The following PRKCE variants were observed in gnomAD, a reference collection of about 807,000 sequenced individuals.
The protein encoded by PRKCE is protein kinase C epsilon type.
A neutral mutation model predicts 85.4 loss-of-function variants in PRKCE; 16 were observed. The ratio of observed to expected loss-of-function variants is 0.19; its 90% CI spans 0.13 to 0.28. The LOEUF is 0.28. PRKCE is among the 10% of genes least tolerant of loss of function. The pLI is 1.00. For missense variants in PRKCE, 573 were observed against 975.2 expected (o/e 0.59, Z 5.49); for synonymous variants, 388 against 371.5 (o/e 1.04, Z -0.51).
chr2:46,075,380 G>A (rs539995828), intron 10 of PRKCE, among the ~76,000 whole-genome samples: 1 of 151,928 alleles, frequency 6.6e-6, no homozygotes, highest in African/African-American at 2.4e-5. Context: ...CCTAAACTTC[G>A]GCCGCAAACA....
At chr2:46,148,388 G>A (rs750116793) in intron 12 of PRKCE, among the ~76,000 whole-genome samples, 1 of 152,230 alleles carries the variant, frequency 6.6e-6, no homozygotes, top group Non-Finnish European at 1.5e-5. Context: ...CACCCAAAAT[G>A]AGAAGGCTGT....
At chr2:45,837,047 C>T (rs564395063) in intron 1 of PRKCE, among the ~76,000 whole-genome samples, 2 of 152,328 alleles carry the variant, frequency 1.3e-5, no homozygotes, top group Admixed American at 1.3e-4. Flanking sequence ...TATTAGACCT[C>T]CCTTCCCTTG....
chr2:45,907,419 T>TGCAC lies in PRKCE; in HGVS notation c.412+64356_412+64357insGCAC, dbSNP rs1697060294. Among the ~76,000 whole-genome samples, 1 of 152,170 alleles carries TGCAC rather than the reference T, an allele frequency of 6.6e-6. No homozygotes were observed. Among genetic ancestry groups the TGCAC allele is most frequent in the African/African-American group, 2.4e-5 (1 of 41,430 alleles). On this transcript the variant is annotated intron_variant, in intron 2 of 14. Transcript: ENST00000306156. The surrounding 1 kb of genome is among the most constrained non-coding windows in gnomAD (Gnocchi z 4.5). ...CGAGTCCTGCATTGCATTTGCTGAA[T>TGCAC]AGCTGTTGGGGTAACACTCCTGTGA...
chr2:46,079,396 T>G (rs910499399), intron 10 of PRKCE, among the ~76,000 whole-genome samples: 5 of 152,192 alleles, frequency 3.3e-5, no homozygotes, highest in African/African-American at 1.2e-4. Flanking sequence ...GTCTTCAGTT[T>G]CTAGCTCTTG....
intron 1 of PRKCE, among the ~76,000 whole-genome samples, chr2:45,763,974 C>T (rs745543619): frequency 2.6e-5 from 4 of 152,266 alleles, no homozygotes; most frequent in East Asian, 1.9e-4. Context: ...AGTCCTCTGC[C>T]GTCTTGCTTA....
At chr2:46,174,718 T>C (rs894623958) in intron 14 of PRKCE, among the ~76,000 whole-genome samples, 1 of 152,178 alleles carries the variant, frequency 6.6e-6, no homozygotes, top group Non-Finnish European at 1.5e-5. Flanking sequence ...AGATAAGATC[T>C]GGCACTGTCA....
At chr2:45,949,402 G>GTTTTTTTTTTTTTTTTTTTTTTGTTTT (rs35033431) in intron 2 of PRKCE, among the ~76,000 whole-genome samples, 2 of 118,744 alleles carry the variant, frequency 1.7e-5, no homozygotes, top group Non-Finnish European at 3.4e-5. Context: ...TATTTTGCTT[G>GTTTTTTTTTTTTTTTTTTTTTTGTTTT]TTTTTTTTTT....
chr2:45,842,943 C>T (rs1691476880), intron 1 of PRKCE, 57 bp from the exon 2 acceptor site: 2 of 1,509,778 alleles, frequency 1.3e-6, no homozygotes, highest in South Asian at 2.3e-5. Context: ...TGTTGTGGAA[C>T]TCTTAGGTTG....
intron 13 of PRKCE, among the ~76,000 whole-genome samples, chr2:46,156,377 TCA>T (rs139091770): frequency 0.068 from 10,399 of 152,292 alleles, 367 homozygotes; most frequent in Middle Eastern, 0.082. Flanking sequence ...AGGGAGTTCA[TCA>T]CAGTCTCAGC....
chr2:46,071,335 C>A (rs1386373776), intron 10 of PRKCE, among the ~76,000 whole-genome samples: 1 of 152,166 alleles, frequency 6.6e-6, no homozygotes, highest in Non-Finnish European at 1.5e-5. Context: ...TGAATGAAGA[C>A]TAGTGAATGA....
rs183401293 is a variant in PRKCE, at chr2:45,786,056, G to A, written c.349-56944G>A. ...AGTCTCACAGCCCTGCTGGGTCATCGTGGGGGTGAATAGATACCTGCTTCT... is the reference window on the plus strand; with the variant it reads ...AGTCTCACAGCCCTGCTGGGTCATCATGGGGGTGAATAGATACCTGCTTCT... On this transcript the variant is annotated intron_variant, in intron 1 of 14. Transcript: ENST00000306156. The surrounding 1 kb of genome is among the most constrained non-coding windows in gnomAD (Gnocchi z 5.3). Among the ~76,000 whole-genome samples the A allele has an allele frequency of 2.5e-3, 381 of 152,230 alleles. 3 individuals are homozygous for A. Among genetic ancestry groups the A allele is most frequent in the African/African-American group, 8.8e-3 (366 of 41,544 alleles).
At chr2:45,771,984 G>A (rs1354609316) in intron 1 of PRKCE, among the ~76,000 whole-genome samples, 1 of 152,110 alleles carries the variant, frequency 6.6e-6, no homozygotes, top group African/African-American at 2.4e-5. Context: ...TGCCGACCAT[G>A]GGAGGGAAGG....
intron 2 of PRKCE, among the ~76,000 whole-genome samples, chr2:45,901,755 A>G (rs1284257968): frequency 1.3e-5 from 2 of 152,206 alleles, no homozygotes; most frequent in Admixed American, 6.5e-5. Flanking sequence ...GGGGTAGAAG[A>G]TTAAAGTTCC....
chr2:46,051,210 C>T (rs1009855779), intron 10 of PRKCE, among the ~76,000 whole-genome samples: 10 of 152,148 alleles, frequency 6.6e-5, no homozygotes, highest in African/African-American at 2.4e-4. Context: ...ACTTTCAGCT[C>T]ATGTTATTTA....
intron 6 of PRKCE, among the ~76,000 whole-genome samples, chr2:46,000,011 C>T (rs1310139745): frequency 1.3e-5 from 2 of 152,318 alleles, no homozygotes; most frequent in East Asian, 3.9e-4. Context: ...ATGCTGTGTA[C>T]ATTATCCATT....
Position 45,775,799 on chromosome 2 carries a change from T to G in PRKCE, c.349-67201T>G, listed in dbSNP as rs1046458507. On this transcript the variant is annotated intron_variant, in intron 1 of 14. Transcript: ENST00000306156. ...GGGCTCTCATCATGGGTGAAAATCC[T>G]TAAAACAGCCTACAAGGCCACACAT... Among the ~76,000 whole-genome samples, 7 of 152,202 alleles carry G rather than the reference T, an allele frequency of 4.6e-5. No homozygotes were observed. The South Asian group carries it at 6.2e-4, about 14-fold the overall frequency.
intron 11 of PRKCE, among the ~76,000 whole-genome samples, chr2:46,094,267 C>T (rs1670463375): frequency 6.6e-6 from 1 of 152,114 alleles, no homozygotes; most frequent in Non-Finnish European, 1.5e-5. Flanking sequence ...TTCCAGTATT[C>T]CTTGCCTTCC....
At chr2:46,124,559 T>C (rs1455607942) in intron 11 of PRKCE, among the ~76,000 whole-genome samples, 5 of 152,236 alleles carry the variant, frequency 3.3e-5, no homozygotes, top group Non-Finnish European at 5.9e-5. Context: ...CCTATCACTT[T>C]GTGTTCATTC....
At chr2:46,083,548 G>A (rs1269473901) in intron 10 of PRKCE, among the ~76,000 whole-genome samples, 1 of 152,170 alleles carries the variant, frequency 6.6e-6, no homozygotes, top group Admixed American at 6.5e-5. Flanking sequence ...GGGCACTTCA[G>A]TGGCTGTTTC....
Sources: gnomAD v4.1 joint callset for allele counts (sites outside exome capture counted in the v4.1 genomes callset) on GRCh38, gnomAD v4.1.1 for gene constraint, Gnocchi (gnomAD v3.1) non-coding constraint, MANE v1.5 for transcripts, NCBI Gene and HGNC (gene_info 2026-07-23, HGNC 2026-07-21) for gene names.